The following EPDR1 variants were observed in gnomAD, a reference collection of about 807,000 sequenced individuals.
EPDR1 encodes the protein mammalian ependymin-related protein 1.
In EPDR1, 27 loss-of-function variants were observed where a neutral mutation model predicts 23.7. The ratio of observed to expected loss-of-function variants is 1.14; its 90% CI spans 0.84 to 1.57. The LOEUF (loss-of-function observed/expected upper bound fraction) is 1.57, where lower values mean the gene tolerates loss of function less well. Ranked by LOEUF, EPDR1 falls within the 40% of genes most tolerant of loss-of-function variation. The pLI, the probability that EPDR1 is intolerant of heterozygous loss-of-function variation, is 0.00. For missense variants in EPDR1, 349 were observed against 290.4 expected (o/e 1.20, Z -1.47); for synonymous variants, 137 against 118.2 (o/e 1.16, Z -1.03).
intron 1 of EPDR1, among the ~76,000 whole-genome samples, chr7:37,947,817 C>G (rs1562864525): frequency 6.6e-6 from 1 of 152,206 alleles, no homozygotes; most frequent in East Asian, 1.9e-4. Flanking sequence ...GATGCCAATA[C>G]TGCATGGCTG....
Position 37,949,051 on chromosome 7 carries a change from A to G in EPDR1, c.478+3A>G. 1 of 1,613,626 alleles carries G rather than the reference A, an allele frequency of 6.2e-7. No individual in the cohort carries two copies. On this transcript the variant is annotated splice_donor_region_variant and intron_variant, in intron 2 of 2. Transcript: ENST00000199448. ...GGACAGAAAGTCAGCTAGATCCTGTAAGGGTTCAAAGAATCTAAGCATTGT... is the reference window on the plus strand; with the variant it reads ...GGACAGAAAGTCAGCTAGATCCTGTGAGGGTTCAAAGAATCTAAGCATTGT...
chr7:37,938,691 G>A (rs878911391), intron 1 of EPDR1, among the ~76,000 whole-genome samples: 3 of 152,222 alleles, frequency 2.0e-5, no homozygotes, highest in Admixed American at 6.5e-5. Context: ...GGATTGTAGC[G>A]GTAAAGCCAT....
At chr7:37,921,706 A>G (rs553870727) in intron 1 of EPDR1, among the ~76,000 whole-genome samples, 1 of 152,358 alleles carries the variant, frequency 6.6e-6, no homozygotes, top group African/African-American at 2.4e-5. Context: ...GAAAGTGATA[A>G]AAAGAAAATT....
Position 37,936,047 on chromosome 7 carries a change from G to A in EPDR1, c.270-12793G>A, listed in dbSNP as rs1479498160. ...ATATATATATATATATATACACAAGGGAAATGTGAATCTGTTAAAATTATT... is the reference window on the plus strand; with the variant it reads ...ATATATATATATATATATACACAAGAGAAATGTGAATCTGTTAAAATTATT... On this transcript the variant is annotated intron_variant, in intron 1 of 2. Transcript: ENST00000199448. Among the ~76,000 whole-genome samples the A allele has an allele frequency of 1.4e-3, 71 of 49,888 alleles. 2 individuals carry two copies. The highest frequency in any genetic ancestry group is 3.5e-3 in the Admixed American group (13 of 3,728). The allele number at this position is 49,888 out of a possible 152,430, so 32.7% of individuals were successfully genotyped here.
At chr7:37,922,971 G>T (rs547068070) in intron 1 of EPDR1, among the ~76,000 whole-genome samples, 25 of 152,260 alleles carry the variant, frequency 1.6e-4, no homozygotes, top group African/African-American at 6.0e-4. Context: ...GAGACTGCTG[G>T]TCCAGGGGGA....
At chr7:37,941,349 T>A (rs1786169830) in intron 1 of EPDR1, among the ~76,000 whole-genome samples, 1 of 152,200 alleles carries the variant, frequency 6.6e-6, no homozygotes, top group Non-Finnish European at 1.5e-5. Context: ...ACTTGCCAAT[T>A]GCAAAAGGAA....
At chr7:37,947,852 A>C (rs1432229691) in intron 1 of EPDR1, among the ~76,000 whole-genome samples, 1 of 152,136 alleles carries the variant, frequency 6.6e-6, no homozygotes, top group Non-Finnish European at 1.5e-5. Flanking sequence ...CAGCCTCTGA[A>C]TATCTCCCTG....
intron 1 of EPDR1, among the ~76,000 whole-genome samples, chr7:37,940,499 T>C (rs552341668): frequency 3.3e-5 from 5 of 152,258 alleles, no homozygotes; most frequent in African/African-American, 1.2e-4. Flanking sequence ...ACACAGAGAA[T>C]AGGCTTATTC....
chr7:37,922,107 G>T (rs1354077848), intron 1 of EPDR1, among the ~76,000 whole-genome samples: 1 of 152,098 alleles, frequency 6.6e-6, no homozygotes, highest in Non-Finnish European at 1.5e-5. Flanking sequence ...TTCCCCCTAA[G>T]TGTGTTCCTC....
At chr7:37,927,891 A>G (rs903550446) in intron 1 of EPDR1, among the ~76,000 whole-genome samples, 5 of 152,166 alleles carry the variant, frequency 3.3e-5, no homozygotes, top group Non-Finnish European at 5.9e-5. Context: ...TGGCCTCCTG[A>G]TCCTCAAAGA....
Position 37,948,892 on chromosome 7 carries a change from C to T in EPDR1, c.322C>T (p.Gln108Ter). ...YKDGVMFQID[Q>*]ATKQCSKMTL... ...GGATGGAGTGATGTTTCAGATTGAC[C>T]AAGCCACCAAGCAGTGCTCAAAGAT... The change falls in exon 2 of 3, where the codon CAA becomes TAA. Residue 108 changes from glutamine to a stop codon, truncating the protein, a stop_gained. Coordinates refer to ENST00000199448, the MANE Select transcript of EPDR1 (RefSeq NM_017549.5). LOFTEE classifies it high-confidence loss of function. 1 of 1,613,938 alleles carries T rather than the reference C, an allele frequency of 6.2e-7. No individual in the cohort carries two copies. Among genetic ancestry groups the T allele is most frequent in the Non-Finnish European group, 8.5e-7 (1 of 1,180,004 alleles).
chr7:37,950,606 T>A lies in EPDR1; in HGVS notation c.*210T>A. 1 of 565,074 alleles carries A rather than the reference T, an allele frequency of 1.8e-6. No individual in the cohort carries two copies. The allele number at this position is 565,074 out of a possible 1,614,324, so 35.0% of individuals were successfully genotyped here. A position where few individuals can be genotyped will look rare whatever the true frequency, so the allele number is the denominator to read the frequency against. ...ATTGAATGGCGAGGGTGTGGCCATA[T>A]GAACTGACTAGATGGCTAATATGGA... is the stretch of plus-strand genomic sequence containing the variant. On this transcript the variant is annotated 3_prime_UTR_variant, in exon 3 of 3. Coordinates refer to ENST00000199448, the MANE Select transcript of EPDR1 (RefSeq NM_017549.5).
intron 1 of EPDR1, among the ~76,000 whole-genome samples, chr7:37,930,894 T>C (rs1277685420): frequency 1.3e-5 from 2 of 152,240 alleles, no homozygotes; most frequent in Non-Finnish European, 2.9e-5. Context: ...TTATAGTGTG[T>C]GTGTTTGCAT....
chr7:37,928,857 CTT>C (rs1785872147), intron 1 of EPDR1, among the ~76,000 whole-genome samples: 1 of 152,178 alleles, frequency 6.6e-6, no homozygotes, highest in Non-Finnish European at 1.5e-5. Context: ...CTGGCCCAAA[CTT>C]TTATTATGTC....
intron 1 of EPDR1, among the ~76,000 whole-genome samples, chr7:37,925,039 C>G (rs780473542): frequency 2.0e-5 from 3 of 152,174 alleles, no homozygotes; most frequent in Non-Finnish European, 4.4e-5. Flanking sequence ...GATTAAACAA[C>G]TTTACAAGCT....
chr7:37,929,095 G>A (rs1329228889), intron 1 of EPDR1, among the ~76,000 whole-genome samples: 1 of 152,124 alleles, frequency 6.6e-6, no homozygotes, highest in Non-Finnish European at 1.5e-5. Flanking sequence ...ACTTGAATCT[G>A]TCATTCCCTC....
intron 1 of EPDR1, among the ~76,000 whole-genome samples, chr7:37,922,022 A>G (rs141040954): frequency 1.1e-4 from 16 of 152,240 alleles, no homozygotes; most frequent in Middle Eastern, 3.4e-3. Context: ...TTGAGATGTC[A>G]TCTCGCTTGT....
At chr7:37,924,756 AT>A (rs1785783052) in intron 1 of EPDR1, among the ~76,000 whole-genome samples, 1 of 152,244 alleles carries the variant, frequency 6.6e-6, no homozygotes, top group Non-Finnish European at 1.5e-5. Flanking sequence ...GCATAAACAC[AT>A]TTTTAAGCTC....
chr7:37,938,146 A>G (rs1250864681), intron 1 of EPDR1, among the ~76,000 whole-genome samples: 10 of 151,790 alleles, frequency 6.6e-5, no homozygotes, highest in Admixed American at 5.9e-4. Flanking sequence ...GTCAGCCACC[A>G]TGCCTGGCTA....
Sources: gnomAD v4.1 joint callset for allele counts (sites outside exome capture counted in the v4.1 genomes callset) on GRCh38, gnomAD v4.1.1 for gene constraint, MANE v1.5 for transcripts, NCBI Gene and HGNC (gene_info 2026-07-23, HGNC 2026-07-21) for gene names.